Variants in PCDHA12 observed in about 807,000 individuals in gnomAD.
PCDHA12 encodes the protein protocadherin alpha-12.
In PCDHA12, 44 loss-of-function variants were observed where a neutral mutation model predicts 60.0. The ratio of observed to expected loss-of-function variants is 0.73; its 90% CI spans 0.58 to 0.94. PCDHA12 has a LOEUF of 0.94. Ranked by LOEUF, PCDHA12 falls within the 40% of genes least tolerant of loss-of-function variation. The pLI is 0.00. For missense variants in PCDHA12, 1,276 were observed against 1,239.7 expected (o/e 1.03, Z -0.44); for synonymous variants, 569 against 553.0 (o/e 1.03, Z -0.40).
intron 3 of PCDHA12, among the ~76,000 whole-genome samples, chr5:140,983,223 C>T (rs2153830857): frequency 6.6e-6 from 1 of 152,270 alleles, no homozygotes; most frequent in Admixed American, 6.5e-5. Context: ...CTAATCCAAA[C>T]TTTCAGGAAA....
chr5:140,884,105 C>T, intron 1 of PCDHA12: 2 of 1,613,466 alleles, frequency 1.2e-6, no homozygotes, highest in South Asian at 2.2e-5. Flanking sequence ...TGAATTGCAG[C>T]TGGCGGCGGT....
chr5:140,940,164 A>G (rs2092564000), intron 1 of PCDHA12, among the ~76,000 whole-genome samples: 1 of 152,170 alleles, frequency 6.6e-6, no homozygotes, highest in Non-Finnish European at 1.5e-5. Context: ...TTTGCCTGAA[A>G]TGTCATTCTT....
chr5:140,919,307 T>C (rs567605906), intron 1 of PCDHA12, among the ~76,000 whole-genome samples: 2 of 152,348 alleles, frequency 1.3e-5, no homozygotes, highest in East Asian at 1.9e-4. Context: ...GTACAATATA[T>C]GTTTTCCCAT....
chr5:140,916,161 GC>G (rs2077457967), intron 1 of PCDHA12, among the ~76,000 whole-genome samples: 1 of 152,084 alleles, frequency 6.6e-6, no homozygotes, highest in African/African-American at 2.4e-5. Flanking sequence ...GGTGAATGCT[GC>G]CAGGCCTGGG....
chr5:140,898,547 A>C (rs1337213913), intron 1 of PCDHA12, among the ~76,000 whole-genome samples: 3 of 152,078 alleles, frequency 2.0e-5, no homozygotes, highest in Non-Finnish European at 4.4e-5. Flanking sequence ...CCATTTATCT[A>C]TGTCTCTGTT....
intron 1 of PCDHA12, among the ~76,000 whole-genome samples, chr5:140,949,294 T>C (rs1554218899): frequency 1.3e-5 from 2 of 151,840 alleles, no homozygotes; most frequent in African/African-American, 4.8e-5. Flanking sequence ...TATTCTGTAA[T>C]TGTTGGGTGT....
chr5:140,969,024 C>T, intron 1 of PCDHA12: 1 of 1,614,198 alleles, frequency 6.2e-7, no homozygotes, highest in Non-Finnish European at 8.5e-7. Flanking sequence ...GAAAGGTCCC[C>T]TGCAGAACTG....
rs113635864 is a variant in PCDHA12 at position 140,947,396 on chromosome 5, A to T, written c.2368-31553A>T. On this transcript the variant is annotated intron_variant, in intron 1 of 3. Coordinates refer to ENST00000398631, the MANE Select transcript of PCDHA12 (RefSeq NM_018903.4). ...ATATGTTTATCCTTTCACTAAAAGT[A>T]GACTGTCTTGATATTGTAGCTTTAT... Among the ~76,000 whole-genome samples the T allele has an allele frequency of 7.1e-3, 1,081 of 151,828 alleles. 11 individuals are homozygous for T. The highest frequency in any genetic ancestry group is 0.025 in the African/African-American group (1,045 of 41,538).
intron 1 of PCDHA12, among the ~76,000 whole-genome samples, chr5:140,911,053 G>A (rs2075311912): frequency 6.6e-6 from 1 of 152,090 alleles, no homozygotes. Flanking sequence ...GGGGTGGTGG[G>A]GGGTGGGTCC....
intron 3 of PCDHA12, among the ~76,000 whole-genome samples, chr5:141,006,206 AT>A (rs1178693799): frequency 1.4e-5 from 2 of 147,854 alleles, no homozygotes. Flanking sequence ...GTTATGCCTC[AT>A]TTTTTTTTAA....
intron 1 of PCDHA12, chr5:140,928,202 A>G: frequency 6.2e-7 from 1 of 1,614,210 alleles, no homozygotes; most frequent in Non-Finnish European, 8.5e-7. Flanking sequence ...TCAGTTGCTG[A>G]TGTGAATGAC....
chr5:141,010,118 T>C lies in PCDHA12; in HGVS notation c.*181T>C. 6.2e-7 allele frequency: 1 copy of C among 1,608,728 alleles called. No homozygotes were observed. The highest frequency in any genetic ancestry group is 8.5e-7 in the Non-Finnish European group (1 of 1,177,116). ...TTAACAGGTTTTGTCGTAAAAGCTT[T>C]ACTAAGTCTGGTGTTAACTCTTTCT... On this transcript the variant is annotated 3_prime_UTR_variant, in exon 4 of 4. Transcript: ENST00000398631.
At chr5:140,966,505 A>T in intron 1 of PCDHA12, 1 of 427,984 alleles carries the variant, frequency 2.3e-6, no homozygotes, top group Non-Finnish European at 4.1e-6. Context: ...CTGTAGCGGC[A>T]GCAGCAGCAG....
At chr5:141,005,478 C>T (rs1021420332) in intron 3 of PCDHA12, among the ~76,000 whole-genome samples, 8 of 151,550 alleles carry the variant, frequency 5.3e-5, no homozygotes, top group East Asian at 3.9e-4. Context: ...CCGAGACGGG[C>T]GGATCATGAG....
intron 1 of PCDHA12, among the ~76,000 whole-genome samples, chr5:140,932,121 T>C (rs1343821167): frequency 6.6e-6 from 1 of 151,956 alleles, no homozygotes; most frequent in Non-Finnish European, 1.5e-5. Context: ...ATTGATAATA[T>C]TTAAGATATA....
intron 1 of PCDHA12, among the ~76,000 whole-genome samples, chr5:140,895,558 A>G (rs1449174455): frequency 6.6e-6 from 1 of 152,154 alleles, no homozygotes; most frequent in Non-Finnish European, 1.5e-5. Context: ...AGTTCTTTAT[A>G]TATTCTAGAT....
intron 1 of PCDHA12, among the ~76,000 whole-genome samples, chr5:140,890,847 C>A (rs2062829860): frequency 1.3e-5 from 2 of 152,148 alleles, no homozygotes. Flanking sequence ...AGTTTTGTTT[C>A]TCTTCCTTAC....
chr5:140,883,640 C>G (rs143631680), intron 1 of PCDHA12: 2 of 1,613,958 alleles, frequency 1.2e-6, no homozygotes, highest in Non-Finnish European at 1.7e-6. Context: ...GTTCGCGCAG[C>G]CCGAGTACAC....
intron 1 of PCDHA12, among the ~76,000 whole-genome samples, chr5:140,950,234 T>C (rs1423756424): frequency 1.3e-5 from 2 of 152,028 alleles, no homozygotes; most frequent in Non-Finnish European, 2.9e-5. Flanking sequence ...TCTAGTGCCA[T>C]TAATTTGTTC....
Sources: gnomAD v4.1 joint callset for allele counts (sites outside exome capture counted in the v4.1 genomes callset) on GRCh38, gnomAD v4.1.1 for gene constraint, MANE v1.5 for transcripts, NCBI Gene and HGNC (gene_info 2026-07-23, HGNC 2026-07-21) for gene names.